The following TTN variants were observed in gnomAD, a reference collection of about 807,000 sequenced individuals.
The protein encoded by TTN is titin.
TTN carries 1,525 observed loss-of-function variants against 3,223.0 expected under a neutral mutation model. The observed-to-expected ratio is 0.47, with a 90% confidence interval of 0.45 to 0.49. The LOEUF is 0.49. Among genes scored for constraint, TTN ranks in the 20% least tolerant of loss-of-function variants. The pLI is 0.00. For synonymous variants in TTN, 14,094 were observed against 15,161.0 expected, an observed-to-expected ratio of 0.93 and a Z score of 5.17; for missense variants, 40,786 against 43,424.0, an observed-to-expected ratio of 0.94 and a Z score of 5.40.
chr2:178,586,555 A>G lies in TTN; in HGVS notation c.64346T>C (p.Val21449Ala), dbSNP rs748888420. 5 of 1,612,922 alleles carry G rather than the reference A, an allele frequency of 3.1e-6. No homozygotes were observed. The highest frequency in any genetic ancestry group is 3.4e-6 in the Non-Finnish European group (4 of 1,179,396). ...FRVAARNAVGVSLPREAEGVY... is the reference protein window; with the variant it reads ...FRVAARNAVGASLPREAEGVY... ...TCCTTCAGCTTCTCTTGGCAAACTG[A>G]CTCCAACAGCATTTCTGGCCGCTAC... is the stretch of plus-strand genomic sequence containing the variant. Residue 21449 changes from valine to alanine, a missense_variant, in exon 308 of 363, where the codon GTC becomes GCC. Coordinates refer to ENST00000589042, the MANE Select transcript of TTN (RefSeq NM_001267550.2).
Position 178,664,461 on chromosome 2 carries a change from T to A in TTN, c.36279A>T (p.Lys12093Asn), listed in dbSNP as rs1388895977. 1.9e-6 allele frequency: 3 copies of A among 1,609,770 alleles called. No individual in the cohort carries two copies. The highest frequency in any genetic ancestry group is 2.5e-6 in the Non-Finnish European group (3 of 1,177,830). Residue 12093 changes from lysine to asparagine, a missense_variant and splice_region_variant, in exon 168 of 363, where the codon AAA (lysine) becomes AAT (asparagine). Lys to Asn is a moderately conservative substitution (Grantham distance 94). Transcript: ENST00000589042. Reference sequence around the variant, plus strand: ...ATAAAAAGACAGTTAAGAATGTACCTTTGACAGGTACAACTTCAGCCCTTT... The same window carrying A: ...ATAAAAAGACAGTTAAGAATGTACCATTGACAGGTACAACTTCAGCCCTTT... The part of the protein sequence containing the change: ...PPQRAEVVPV[K>N]VHEAPKEIIP...
Position 178,530,125 on chromosome 2 carries a change from T to C in TTN, c.106375-9A>G. On this transcript the variant is annotated splice_polypyrimidine_tract_variant and intron_variant, in intron 358 of 362. Transcript: ENST00000589042. ...CCTCCTTGTGTAATGGCCTGTAGAA[T>C]GCAAATGATTTGTGTTTTAAAAAGT... 1.9e-6 allele frequency: 3 copies of C among 1,576,272 alleles called. No individual in the cohort carries two copies. The highest frequency in any genetic ancestry group is 2.6e-6 in the Non-Finnish European group (3 of 1,168,242).
chr2:178,779,898 C>G, intron 22 of TTN, 102 bp downstream of exon 22: 1 of 1,164,776 alleles, frequency 8.6e-7, no homozygotes, highest in Non-Finnish European at 1.2e-6. Context: ...CTTCTAATAG[C>G]TGTCTAACCC....
chr2:178,527,148 A>C lies in TTN; in HGVS notation c.107840T>G (p.Ile35947Ser), dbSNP rs281864928. ...IHSQEQGRFH[I>S]ENTDDLTTLI... ...GGTTGTCAGGTCATCTGTGTTTTCAATGTGGAACCTCCCCTGTTCTTGACT... is the reference window on the plus strand; with the variant it reads ...GGTTGTCAGGTCATCTGTGTTTTCACTGTGGAACCTCCCCTGTTCTTGACT... Residue 35947 changes from isoleucine (I) to serine (S), a missense_variant, in exon 363 of 363, where the codon ATT (isoleucine) becomes AGT (serine). Ile to Ser is a moderately radical substitution (Grantham distance 142). Coordinates refer to ENST00000589042, the MANE Select transcript of TTN (RefSeq NM_001267550.2). 6.2e-7 allele frequency: 1 copy of C among 1,613,962 alleles called. No individual in the cohort carries two copies. Among genetic ancestry groups the C allele is most frequent in the African/African-American group, 1.3e-5 (1 of 75,024 alleles).
intron 159 of TTN, among the ~76,000 whole-genome samples, chr2:178,668,158 A>G (rs1471398856): frequency 6.6e-6 from 1 of 152,150 alleles, no homozygotes. Flanking sequence ...TTCAAATCAC[A>G]TCTAATATAT....
Position 178,560,673 on chromosome 2 carries a change from T to C in TTN, c.85459A>G (p.Ile28487Val), listed in dbSNP as rs375122794. The C allele has an allele frequency of 6.2e-7, 1 of 1,613,670 alleles. No homozygotes were observed. The highest frequency in any genetic ancestry group is 8.5e-7 in the Non-Finnish European group (1 of 1,179,766). The change falls in exon 326 of 363, where the codon ATC becomes GTC. Residue 28487 changes from isoleucine to valine, a missense_variant. Ile to Val is a conservative substitution (Grantham distance 29). Coordinates refer to ENST00000589042, the MANE Select transcript of TTN (RefSeq NM_001267550.2). ...EDGGADIDYY[I>V]VEKRETSHLA... ...TGGCTTGTTTCACGTTTTTCTACGA[T>C]GTAATAGTCGATATCTGCACCACCA...
At position 178,552,633 on chromosome 2, in the gene TTN, C is replaced by G. The variant is rs1290870091; in HGVS notation, c.90267G>C (p.Glu30089Asp). 2 of 1,613,902 alleles carry G rather than the reference C, an allele frequency of 1.2e-6. No homozygotes were observed. The highest frequency in any genetic ancestry group is 2.7e-5 in the African/African-American group (2 of 75,050). ...HAGISKTCEI[E>D]VSQLKEQSVL... is the part of the protein sequence containing the mutation. ...CTGACTGCTCCTTAAGTTGGCTAAC[C>G]TCAATTTCACATGTCTTACTTATGC... Residue 30089 changes from glutamate (E) to aspartate (D), a missense_variant, in exon 335 of 363, where the codon GAG becomes GAC. Transcript: ENST00000589042.
Position 178,712,227 on chromosome 2 carries a change from A to T in TTN, c.27608-5T>A. ...GCTTGACAAAATACGGTGGTTCTGC[A>T]GCCAAGAGAGATAATCAATCAGTCA... is the stretch of plus-strand genomic sequence containing the variant. On this transcript the variant is annotated splice_region_variant and splice_polypyrimidine_tract_variant and intron_variant, in intron 95 of 362. Transcript: ENST00000589042. 6.2e-7 allele frequency: 1 copy of T among 1,611,820 alleles called. No individual in the cohort carries two copies.
rs772498581 is a variant in TTN, at chr2:178,589,419, G to T, written c.62306C>A (p.Pro20769Gln). 1.9e-6 allele frequency: 3 copies of T among 1,613,222 alleles called. No homozygotes were observed. The highest frequency in any genetic ancestry group is 2.7e-5 in the African/African-American group (2 of 74,862). ...CCCACTTAATTTCAGATCAAGTACT[G>T]GTTTTTGTAAGTCTTCTTTCACAAC... ...EVVVKEDLQKPVLDLKLSGVL... is the reference protein window; with the variant it reads ...EVVVKEDLQKQVLDLKLSGVL... The change falls in exon 304 of 363, where the codon CCA becomes CAA. Residue 20769 changes from proline to glutamine, a missense_variant. Transcript: ENST00000589042.
Position 178,571,323 on chromosome 2 carries a change from C to G in TTN, c.74809G>C (p.Gly24937Arg). 1 of 1,613,418 alleles carries G rather than the reference C, an allele frequency of 6.2e-7. No individual in the cohort carries two copies. Among genetic ancestry groups the G allele is most frequent in the Non-Finnish European group, 8.5e-7 (1 of 1,179,580 alleles). The change falls in exon 326 of 363, where the codon GGA becomes CGA. Residue 24937 changes from glycine (G) to arginine (R), a missense_variant. Transcript: ENST00000589042. ...AGATGATAGCCAATGACTCTACTTCCTCCATCACTGATTGGCTCATTCCAT... is the reference window on the plus strand; with the variant it reads ...AGATGATAGCCAATGACTCTACTTCGTCCATCACTGATTGGCTCATTCCAT... ...VQWNEPISDG[G>R]SRVIGYHLER...
rs373988162 is a variant in TTN, at chr2:178,779,010, C to A, written c.4072G>T (p.Asp1358Tyr). ...GCAAATGCAGTGTAGATTCCTTCAT[C>A]TTCTGGAAGAACAACAGGTATACGC... ...SLRIPVVLPEDEGIYTAFASN... is the reference protein window; with the variant it reads ...SLRIPVVLPEYEGIYTAFASN... The change falls in exon 24 of 363, where the codon GAT becomes TAT. Residue 1358 changes from aspartate (D) to tyrosine (Y), a missense_variant. Coordinates refer to ENST00000589042, the MANE Select transcript of TTN (RefSeq NM_001267550.2). 1.6e-5 allele frequency: 26 copies of A among 1,613,136 alleles called. No individual in the cohort carries two copies. The highest frequency in any genetic ancestry group is 2.0e-5 in the Non-Finnish European group (24 of 1,179,710).
Position 178,531,752 on chromosome 2 carries a change from A to C in TTN, c.104863T>G (p.Cys34955Gly), listed in dbSNP as rs768740635. ...AAAATAAAACGTGTATTTTGGCCAC[A>C]TGGTACCCTGTGCGAGCGCATTCTC... ...TLRMRSHRVPCGQNTRFILNV... is the reference protein window; with the variant it reads ...TLRMRSHRVPGGQNTRFILNV... Residue 34955 changes from cysteine to glycine, a missense_variant, in exon 358 of 363, where the codon TGT becomes GGT. Cys to Gly is a radical substitution (Grantham distance 159). Transcript: ENST00000589042. The C allele has an allele frequency of 5.6e-6, 9 of 1,613,874 alleles. No individual in the cohort carries two copies. Among genetic ancestry groups the C allele is most frequent in the Middle Eastern group, 3.3e-4 (2 of 6,084 alleles).
At chr2:178,670,998 A>G (rs2066865169) in intron 156 of TTN, 92 bp downstream of exon 156, 2 of 879,708 alleles carry the variant, frequency 2.3e-6, no homozygotes, top group East Asian at 5.7e-5. Context: ...TACAGAAGAA[A>G]GACATCAAGT....
rs550146118 is a variant in TTN, at chr2:178,678,667, G to A, written c.33826+80C>T. On this transcript the variant is annotated intron_variant, in intron 143 of 362. Transcript: ENST00000589042. ...TTTCTCTAAAGAGTTGCATCCCAAA[G>A]AGTACAGAATTAAACCAATTAATTT... is the stretch of plus-strand genomic sequence containing the variant. 1.6e-5 allele frequency: 22 copies of A among 1,338,538 alleles called. No individual in the cohort carries two copies. In the East Asian group the frequency reaches 4.1e-4, roughly 25 times the overall value. 82.9% of individuals were successfully genotyped at this position (1,338,538 alleles called of 1,614,324 possible).
rs763635220 is a variant in TTN at position 178,610,188 on chromosome 2, G to T, written c.51338C>A (p.Pro17113Gln). 1.2e-6 allele frequency: 2 copies of T among 1,612,934 alleles called. No homozygotes were observed. Among genetic ancestry groups the T allele is most frequent in the Non-Finnish European group, 1.7e-6 (2 of 1,179,290 alleles). Reference protein sequence around the residue: ...KLSWTVKDLIPNGEYFFRVKA... With the variant: ...KLSWTVKDLIQNGEYFFRVKA... ...AACACGGAAGAAGTATTCACCATTTGGTATGAGATCCTTCACAGTCCATGA... is the reference window on the plus strand; with the variant it reads ...AACACGGAAGAAGTATTCACCATTTTGTATGAGATCCTTCACAGTCCATGA... The change falls in exon 271 of 363, where the codon CCA (proline) becomes CAA (glutamine). Residue 17113 changes from proline (P) to glutamine (Q), a missense_variant. Physicochemically the swap from Pro to Gln is moderately conservative, Grantham distance 76 (BLOSUM62 -1). Coordinates refer to ENST00000589042, the MANE Select transcript of TTN (RefSeq NM_001267550.2).
intron 224 of TTN, among the ~76,000 whole-genome samples, chr2:178,637,144 T>A (rs574197000): frequency 9.2e-6 from 1 of 108,870 alleles, no homozygotes; most frequent in Non-Finnish European, 1.9e-5. Flanking sequence ...AAAATATAGT[T>A]GGATATATAT....
chr2:178,725,552 A>C lies in TTN; in HGVS notation c.20652T>G (p.Phe6884Leu). Residue 6884 changes from phenylalanine (F) to leucine (L), a missense_variant, in exon 71 of 363, where the codon TTT (phenylalanine) becomes TTG (leucine). Transcript: ENST00000589042. ...QASIEGAQPI[F>L]VQWLKEKEEV... ...CTTCCTTCTCTTTAAGCCACTGGAC[A>C]AAAATAGGCTGGGCGCCTTCTATGG... 1 of 1,613,222 alleles carries C rather than the reference A, an allele frequency of 6.2e-7. No individual in the cohort carries two copies. Among genetic ancestry groups the C allele is most frequent in the African/African-American group, 1.3e-5 (1 of 75,016 alleles).
At position 178,605,253 on chromosome 2, in the gene TTN, G is replaced by A; in HGVS notation, c.53924C>T (p.Thr17975Ile). ...AGGCTCTCCTGCCTTAACTTTGATA[G>A]TGTCTCCTCGAACACTCAGACGCAA... ...IKLRLSVRGD[T>I]IKVKAGEPVH... The change falls in exon 280 of 363, where the codon ACT (threonine) becomes ATT (isoleucine). Residue 17975 changes from threonine (T) to isoleucine (I), a missense_variant. By Grantham distance (89) the Thr-to-Ile change is moderately conservative. Transcript: ENST00000589042. 6.2e-7 allele frequency: 1 copy of A among 1,605,990 alleles called. No individual in the cohort carries two copies. Among genetic ancestry groups the A allele is most frequent in the East Asian group, 2.2e-5 (1 of 44,466 alleles).
In TTN at chr2:178,563,581, G is replaced by A; in HGVS notation, c.82551C>T (p.Thr27517=). ...CCGTTAATGTTTTCTTGTTGCACTT[G>A]GTCCATCTAACGCCTTCCTTATCTC... ...EKRDKEGVRW[T]KCNKKTLTDL... is the part of the protein sequence containing the mutation. The change falls in exon 326 of 363, where the codon ACC becomes ACT. Residue 27517 remains threonine (T), a synonymous_variant. Transcript: ENST00000589042. The surrounding 1 kb of genome is among the most constrained non-coding windows in gnomAD (Gnocchi z 4.5). The A allele has an allele frequency of 1.2e-6, 2 of 1,613,754 alleles. No individual in the cohort carries two copies. Among genetic ancestry groups the A allele is most frequent in the Non-Finnish European group, 1.7e-6 (2 of 1,179,764 alleles).
Sources: allele counts gnomAD v4.1 joint callset (sites outside exome capture counted in the v4.1 genomes callset), GRCh38; gene constraint gnomAD v4.1.1; non-coding constraint Gnocchi (gnomAD v3.1); transcripts MANE v1.5; gene names NCBI Gene and HGNC (gene_info 2026-07-23, HGNC 2026-07-21).